The following MYO6 variants were observed in gnomAD, a reference collection of about 807,000 sequenced individuals.
MYO6 encodes myosin VI.
A neutral mutation model predicts 178.7 loss-of-function variants in MYO6; 74 were observed. The observed-to-expected ratio is 0.41, with a 90% CI of 0.34 to 0.50. The LOEUF is 0.50. Ranked by LOEUF, MYO6 falls within the 20% of genes least tolerant of loss-of-function variation. The probability of loss-of-function intolerance (pLI) is 0.09; values close to 1 mark genes in which losing one functional copy is unlikely to be tolerated. For synonymous variants in MYO6, 477 were observed against 504.6 expected, an observed-to-expected ratio of 0.95 and a Z score of 0.73; for missense variants, 1,330 against 1,547.4, an observed-to-expected ratio of 0.86 and a Z score of 2.36.
At chr6:75,803,969 C>T (rs1276000835) in intron 1 of MYO6, among the ~76,000 whole-genome samples, 1 of 152,202 alleles carries the variant, frequency 6.6e-6, no homozygotes, top group Non-Finnish European at 1.5e-5. Context: ...TCATGGCTCA[C>T]TGCAGCCTTG....
In MYO6 at chr6:75,914,162, A is replaced by T. The variant is rs768940371; in HGVS notation, c.3539A>T (p.Asp1180Val). ...CGCATCCCATTCATCCGCCCTGCCG[A>T]CCAGTACAAAGACCCTCAGAGTAAG... ...FFRIPFIRPA[D>V]QYKDPQSKKK... The change falls in exon 34 of 35, where the codon GAC (aspartate) becomes GTC (valine). Residue 1180 changes from aspartate to valine, a missense_variant. By Grantham distance (152) the Asp-to-Val change is radical. Coordinates refer to ENST00000369977, the MANE Select transcript of MYO6 (RefSeq NM_004999.4). 6.2e-7 allele frequency: 1 copy of T among 1,614,158 alleles called. No homozygotes were observed. Among genetic ancestry groups the T allele is most frequent in the Non-Finnish European group, 8.5e-7 (1 of 1,180,020 alleles).
chr6:75,753,455 G>GTATATATATATATATA (rs58108910), intron 1 of MYO6, among the ~76,000 whole-genome samples: 1 of 140,038 alleles, frequency 7.1e-6, no homozygotes, highest in African/African-American at 2.7e-5. Context: ...GTGTGTGTGT[G>GTATATATATATATATA]TATATATATA....
At chr6:75,841,517 T>A (rs1378447561) in intron 9 of MYO6, 139 bp downstream of exon 9, 4 of 737,848 alleles carry the variant, frequency 5.4e-6, no homozygotes, top group Non-Finnish European at 8.6e-6. Context: ...AGCGAGACCC[T>A]GTCTCTAAAA....
rs114033446 is a variant in MYO6, at chr6:75,822,918, T to C, written c.187+67T>C. The C allele has an allele frequency of 3.6e-3, 4,383 of 1,233,966 alleles. 120 individuals carry two copies. The African/African-American group carries it at 0.057, about 16-fold the overall frequency. 76.4% of individuals were successfully genotyped at this position (1,233,966 alleles called of 1,614,324 possible). A position where few individuals can be genotyped will look rare whatever the true frequency, so the allele number is the denominator to read the frequency against. The stretch of plus-strand genomic sequence containing the variant: ...AGACTGTTCTTTTAAAAAAATAAAT[T>C]AGTGGTTATATAACTGATACACTGT... On this transcript the variant is annotated intron_variant, in intron 3 of 34. Coordinates refer to ENST00000369977, the MANE Select transcript of MYO6 (RefSeq NM_004999.4).
rs759372006 is a variant in MYO6, at chr6:75,828,569, C to G, written c.217C>G (p.Leu73Val). ...CSLMYLNEAT[L>V]LHNIKVRYSK... ...ACTAATGTATTTAAATGAAGCCACA[C>G]TGCTCCATAATATCAAAGTTCGATA... Residue 73 changes from leucine (L) to valine (V), a missense_variant, in exon 4 of 35, where the codon CTG becomes GTG. Leu to Val is a conservative substitution (Grantham distance 32). Coordinates refer to ENST00000369977, the MANE Select transcript of MYO6 (RefSeq NM_004999.4). 7 of 1,582,344 alleles carry G rather than the reference C, an allele frequency of 4.4e-6. No individual in the cohort carries two copies. In the East Asian group the frequency reaches 1.6e-4, roughly 36 times the overall value.
chr6:75,786,324 T>C (rs747718567), intron 1 of MYO6, among the ~76,000 whole-genome samples: 1 of 152,230 alleles, frequency 6.6e-6, no homozygotes, highest in Non-Finnish European at 1.5e-5. Context: ...TAGTAAATCT[T>C]TTCTTCCTGT....
intron 1 of MYO6, among the ~76,000 whole-genome samples, chr6:75,811,380 A>T (rs1187384706): frequency 6.6e-6 from 1 of 152,074 alleles, no homozygotes; most frequent in African/African-American, 2.4e-5. Flanking sequence ...TTGCTTTCCA[A>T]ATTAGAAAAT....
chr6:75,866,923 A>G lies in MYO6; in HGVS notation c.1771-9A>G. On this transcript the variant is annotated splice_polypyrimidine_tract_variant and intron_variant, in intron 17 of 34. Coordinates refer to ENST00000369977, the MANE Select transcript of MYO6 (RefSeq NM_004999.4). ...GGACAGAAACATTCCTGTTTGATTTATTTTTCAGACCCAGTTTGTGGAGAA... is the reference window on the plus strand; with the variant it reads ...GGACAGAAACATTCCTGTTTGATTTGTTTTTCAGACCCAGTTTGTGGAGAA... The G allele has an allele frequency of 1.9e-6, 3 of 1,613,408 alleles. No homozygotes were observed. Among genetic ancestry groups the G allele is most frequent in the Non-Finnish European group, 2.5e-6 (3 of 1,179,562 alleles).
At position 75,857,078 on chromosome 6, in the gene MYO6, G is replaced by T; in HGVS notation, c.1224-19G>T. 6.2e-7 allele frequency: 1 copy of T among 1,613,198 alleles called. No individual in the cohort carries two copies. The highest frequency in any genetic ancestry group is 8.5e-7 in the Non-Finnish European group (1 of 1,179,550). ...GCACTATTATAAAGAATTTTTACTA[G>T]CATAGTTTTCTTTTATAGGGTACCT... On this transcript the variant is annotated intron_variant, in intron 12 of 34. Transcript: ENST00000369977.
At chr6:75,787,701 TC>T (rs1172777547) in intron 1 of MYO6, among the ~76,000 whole-genome samples, 1 of 65,794 alleles carries the variant, frequency 1.5e-5, no homozygotes, top group Non-Finnish European at 3.1e-5. Context: ...TCTCTCTCTC[TC>T]TCTCTCTCTC....
chr6:75,890,154 A>G lies in MYO6; in HGVS notation c.2756A>G (p.Gln919Arg). Residue 919 changes from glutamine (Q) to arginine (R), a missense_variant, in exon 26 of 35, where the codon CAG (glutamine) becomes CGG (arginine). By Grantham distance (43) the Gln-to-Arg change is conservative. Coordinates refer to ENST00000369977, the MANE Select transcript of MYO6 (RefSeq NM_004999.4). ...AGTGCATTACAGAAAAAAAAACAGC[A>G]GGAAGAGGAAGCAGAAAGGCTGAGG... ...LLSALQKKKQQEEEAERLRRI... is the reference protein window; with the variant it reads ...LLSALQKKKQREEEAERLRRI... 1 of 1,613,756 alleles carries G rather than the reference A, an allele frequency of 6.2e-7. No homozygotes were observed. Among genetic ancestry groups the G allele is most frequent in the Non-Finnish European group, 8.5e-7 (1 of 1,179,702 alleles).
At chr6:75,855,003 G>A (rs1409660763) in intron 11 of MYO6, 136 bp from the exon 12 acceptor site, 1 of 762,366 alleles carries the variant, frequency 1.3e-6, no homozygotes. Flanking sequence ...GAAAAAGTGA[G>A]GTAGATTTAA....
chr6:75,789,375 T>C (rs565667269), intron 1 of MYO6, among the ~76,000 whole-genome samples: 15 of 152,374 alleles, frequency 9.8e-5, no homozygotes, highest in African/African-American at 3.6e-4. Flanking sequence ...ACAGGTTTCA[T>C]GTACATATTA....
At chr6:75,862,828 C>T (rs538224054) in intron 16 of MYO6, 105 bp downstream of exon 16, 137 of 1,314,844 alleles carry the variant, frequency 1.0e-4, no homozygotes, top group South Asian at 5.7e-4. Flanking sequence ...AAAATTATGG[C>T]GTGTATAGAG....
chr6:75,823,007 C>A (rs531351697), intron 3 of MYO6, among the ~76,000 whole-genome samples, 156 bp downstream of exon 3: 1 of 152,186 alleles, frequency 6.6e-6, no homozygotes, highest in African/African-American at 2.4e-5. Flanking sequence ...AACTCGAGTC[C>A]TCCATGTTGT....
intron 22 of MYO6, among the ~76,000 whole-genome samples, chr6:75,880,456 C>G (rs990646206): frequency 6.6e-6 from 1 of 152,166 alleles, no homozygotes; most frequent in African/African-American, 2.4e-5. Context: ...TACACCAACA[C>G]TAATGATAGC....
intron 4 of MYO6, 60 bp from the exon 5 acceptor site, chr6:75,830,352 CTTTG>C (rs1199844222): frequency 6.1e-6 from 9 of 1,478,052 alleles, no homozygotes; most frequent in East Asian, 4.6e-5. Context: ...TTTCTATGAG[CTTTG>C]TTTATCTTTA....
chr6:75,822,940 CTG>C, intron 3 of MYO6, 89 bp downstream of exon 3: 1 of 1,013,382 alleles, frequency 9.9e-7, no homozygotes, highest in Middle Eastern at 2.8e-4. Context: ...AACTGATACA[CTG>C]TGCGGGTTCA....
At chr6:75,906,853 T>C (rs1474808738) in intron 30 of MYO6, among the ~76,000 whole-genome samples, 1 of 152,214 alleles carries the variant, frequency 6.6e-6, no homozygotes, top group Non-Finnish European at 1.5e-5. Context: ...ACAGCACTTG[T>C]GCCCTTTGAA....
Sources: allele counts gnomAD v4.1 joint callset (sites outside exome capture counted in the v4.1 genomes callset), GRCh38; gene constraint gnomAD v4.1.1; transcripts MANE v1.5; gene names NCBI Gene and HGNC (gene_info 2026-07-23, HGNC 2026-07-21).